HSPD1: variants seen among roughly 807,000 people sequenced by gnomAD.
The protein encoded by HSPD1 is 60 kDa heat shock protein, mitochondrial.
In HSPD1, 3 loss-of-function variants were observed where a neutral mutation model predicts 53.0. That is an observed-to-expected ratio of 0.06 (90% confidence interval 0.03 to 0.15). The LOEUF is 0.15. Among genes scored for constraint, HSPD1 ranks in the 10% least tolerant of loss-of-function variants. The probability of loss-of-function intolerance (pLI) is 1.00; values close to 1 mark genes in which losing one functional copy is unlikely to be tolerated. For synonymous variants in HSPD1, 200 were observed against 228.0 expected (o/e 0.88, Z 1.10); for missense variants, 431 against 694.1 (o/e 0.62, Z 4.26).
chr2:197,497,001 T>A, intron 3 of HSPD1, 139 bp downstream of exon 3: 4 of 863,676 alleles, frequency 4.6e-6, no homozygotes, highest in Non-Finnish European at 7.6e-6. Flanking sequence ...GAAAACCCAG[T>A]TTAAGATTTC....
At chr2:197,500,159 C>T (rs2086229253), upstream of HSPD1, 3 of 546,630 alleles carry the variant, frequency 5.5e-6, no homozygotes, top group Non-Finnish European at 9.9e-6. Context: ...AGTTCTTTCA[C>T]CTCGGCTGGG....
At position 197,491,793 on chromosome 2, in the gene HSPD1, G is replaced by A. The variant is rs180759791; in HGVS notation, c.870-1497C>T. Among the ~76,000 whole-genome samples the A allele has an allele frequency of 3.3e-5, 5 of 152,244 alleles. No homozygotes were observed. The East Asian group carries it at 9.6e-4, about 29-fold the overall frequency. On this transcript the variant is annotated intron_variant, in intron 7 of 11. Transcript: ENST00000388968. Reference sequence around the variant, plus strand: ...TAGACCTCACCTTATTTTAGATTGGGTGCTATTTTCTCTACTTCAGACTAT... The same window carrying A: ...TAGACCTCACCTTATTTTAGATTGGATGCTATTTTCTCTACTTCAGACTAT...
Position 197,488,524 on chromosome 2 carries a change from C to T in HSPD1, c.1216-33G>A, listed in dbSNP as rs1414076992. On this transcript the variant is annotated intron_variant, in intron 9 of 11. Transcript: ENST00000388968. The stretch of plus-strand genomic sequence containing the variant: ...CGAAAAGAATTCCAGTTAGTATGGC[C>T]TCTTCATTCAAGATGCTAATTGCCA... The T allele has an allele frequency of 2.5e-6, 4 of 1,584,390 alleles. No homozygotes were observed. In the African/African-American group the frequency reaches 5.4e-5, roughly 21 times the overall value.
At chr2:197,488,920 G>C in intron 9 of HSPD1, 82 bp downstream of exon 9, 1 of 1,347,476 alleles carries the variant, frequency 7.4e-7, no homozygotes, top group East Asian at 2.3e-5. Context: ...TTAGTTCTAT[G>C]GTACTACTGG....
In HSPD1 at chr2:197,487,862, G is replaced by C. The variant is rs199668367; in HGVS notation, c.1565C>G (p.Thr522Arg). Residue 522 changes from threonine to arginine, a missense_variant, in exon 11 of 12, where the codon ACA becomes AGA. By Grantham distance (71) the Thr-to-Arg change is moderately conservative. Coordinates refer to ENST00000388968, the MANE Select transcript of HSPD1 (RefSeq NM_002156.5). ...NMVEKGIIDP[T>R]KVVRTALLDA... The stretch of plus-strand genomic sequence containing the variant: ...AGAAAGTGTTCAACCATTTACCTTT[G>C]TTGGGTCAATGATTCCTTTTTCCAC... 6 of 1,611,760 alleles carry C rather than the reference G, an allele frequency of 3.7e-6. No individual in the cohort carries two copies. In the South Asian group the frequency reaches 6.6e-5, roughly 18 times the overall value.
At chr2:197,500,266 C>T, upstream of HSPD1, 1 of 827,226 alleles carries the variant, frequency 1.2e-6, no homozygotes, top group Non-Finnish European at 1.9e-6. Flanking sequence ...TCGCGGTGCG[C>T]GTCGGGGCGA....
chr2:197,498,555 T>C (rs2086190488), intron 2 of HSPD1, 120 bp downstream of exon 2: 4 of 919,788 alleles, frequency 4.3e-6, no homozygotes, highest in South Asian at 1.4e-5. Flanking sequence ...AATTCTTACA[T>C]GTAAACTGAG....
chr2:197,498,209 T>C (rs921528729), intron 2 of HSPD1, among the ~76,000 whole-genome samples: 1 of 152,174 alleles, frequency 6.6e-6, no homozygotes, highest in African/African-American at 2.4e-5. Context: ...ATAAATGTAA[T>C]TGATGTCCCC....
intron 7 of HSPD1, among the ~76,000 whole-genome samples, chr2:197,492,117 G>A (rs1188735737): frequency 2.6e-5 from 4 of 152,294 alleles, no homozygotes; most frequent in Admixed American, 2.6e-4. Context: ...TGATCGTGCC[G>A]CCGCAGGCCA....
At chr2:197,496,721 A>G (rs2086162215) in intron 3 of HSPD1, among the ~76,000 whole-genome samples, 1 of 152,186 alleles carries the variant, frequency 6.6e-6, no homozygotes, top group Non-Finnish European at 1.5e-5. Context: ...GGAAAACATT[A>G]CTTTCTGACA....
Position 197,488,341 on chromosome 2 carries a change from G to T in HSPD1, c.1366C>A (p.Pro456Thr), listed in dbSNP as rs1392112294. The change falls in exon 10 of 12, where the codon CCA (proline) becomes ACA (threonine). Residue 456 changes from proline (P) to threonine (T), a missense_variant. Transcript: ENST00000388968. Reference sequence around the variant, plus strand: ...CCAATTTTTTGATCTTCATTAGCTGGAGTCAATGAGTCCAAGGCTGGAATG... The same window carrying T: ...CCAATTTTTTGATCTTCATTAGCTGTAGTCAATGAGTCCAAGGCTGGAATG... ...RCIPALDSLTPANEDQKIGIE... is the reference protein window; with the variant it reads ...RCIPALDSLTTANEDQKIGIE... The T allele has an allele frequency of 6.2e-7, 1 of 1,613,866 alleles. No individual in the cohort carries two copies. The highest frequency in any genetic ancestry group is 8.5e-7 in the Non-Finnish European group (1 of 1,179,832).
chr2:197,488,172 A>C (rs557336433), intron 10 of HSPD1, 136 bp from the exon 11 acceptor site: 1 of 990,190 alleles, frequency 1.0e-6, no homozygotes, highest in African/African-American at 1.6e-5. Flanking sequence ...AAAAGATGTG[A>C]TGCATGTTTA....
At position 197,498,725 on chromosome 2, in the gene HSPD1, G is replaced by T. The variant is rs2086194049; in HGVS notation, c.124C>A (p.Gln42Lys). 1.9e-6 allele frequency: 3 copies of T among 1,614,176 alleles called. No homozygotes were observed. Among genetic ancestry groups the T allele is most frequent in the Non-Finnish European group, 1.7e-6 (2 of 1,180,034 alleles). ...FGADARALMLQGVDLLADAVA... is the reference protein window; with the variant it reads ...FGADARALMLKGVDLLADAVA... Reference sequence around the variant, plus strand: ...GCATCGGCTAAAAGGTCTACACCTTGAAGCATTAAGGCTCGGGCATCTGCA... The same window carrying T: ...GCATCGGCTAAAAGGTCTACACCTTTAAGCATTAAGGCTCGGGCATCTGCA... The change falls in exon 2 of 12, where the codon CAA becomes AAA. Residue 42 changes from glutamine to lysine, a missense_variant. This residue lies in a region of HSPD1 where 386 missense variants were observed against 657.6 expected (regional missense o/e 0.59). Coordinates refer to ENST00000388968, the MANE Select transcript of HSPD1 (RefSeq NM_002156.5).
At chr2:197,493,850 C>T (rs984021512) in intron 6 of HSPD1, among the ~76,000 whole-genome samples, 55 of 152,176 alleles carry the variant, frequency 3.6e-4, no homozygotes, top group African/African-American at 1.3e-3. Context: ...CCTATAATCC[C>T]AGCACTTTGG....
chr2:197,497,400 A>G lies in HSPD1; in HGVS notation c.175-8T>C, dbSNP rs772029212. ...AATAATCACTGTTCTTCCCTAGAAG[A>G]AAAAAATGTAACAGGATCAGACATA... On this transcript the variant is annotated splice_polypyrimidine_tract_variant and splice_region_variant and intron_variant, in intron 2 of 11. Coordinates refer to ENST00000388968, the MANE Select transcript of HSPD1 (RefSeq NM_002156.5). The G allele has an allele frequency of 5.1e-5, 82 of 1,612,088 alleles. No homozygotes were observed. Among genetic ancestry groups the G allele is most frequent in the Non-Finnish European group, 6.4e-5 (76 of 1,178,330 alleles).
intron 1 of HSPD1, 200 bp from the exon 2 acceptor site, chr2:197,499,050 C>CGGCGCCTGACCTAT (rs2086200839): frequency 1.6e-6 from 1 of 634,244 alleles, no homozygotes; most frequent in African/African-American, 1.8e-5. Context: ...CCGCCCCGGC[C>CGGCGCCTGACCTAT]GGCGCCTGAC....
intron 1 of HSPD1, among the ~76,000 whole-genome samples, 177 bp downstream of exon 1, chr2:197,499,605 C>T (rs759529845): frequency 6.6e-6 from 1 of 152,174 alleles, no homozygotes; most frequent in Non-Finnish European, 1.5e-5. Flanking sequence ...CCGCGTCGCA[C>T]GTGATGGAAC....
In HSPD1 at chr2:197,490,180, A is replaced by T. The variant is rs1473159644; in HGVS notation, c.969+17T>A. On this transcript the variant is annotated intron_variant, in intron 8 of 11. Coordinates refer to ENST00000388968, the MANE Select transcript of HSPD1 (RefSeq NM_002156.5). ...TATAAACATTCAGCAAACCATTATCACATTTATTTTACTTACTGCACCACC... is the reference window on the plus strand; with the variant it reads ...TATAAACATTCAGCAAACCATTATCTCATTTATTTTACTTACTGCACCACC... 6.6e-7 allele frequency: 1 copy of T among 1,509,456 alleles called. No individual in the cohort carries two copies. Among genetic ancestry groups the T allele is most frequent in the Admixed American group, 1.7e-5 (1 of 59,896 alleles). The allele number at this position is 1,509,456 out of a possible 1,614,324, so 93.5% of individuals were successfully genotyped here.
chr2:197,498,955 T>A (rs777433712), intron 1 of HSPD1, 105 bp from the exon 2 acceptor site: 233 of 1,018,598 alleles, frequency 2.3e-4, no homozygotes, highest in Non-Finnish European at 3.3e-4. Context: ...ATGCTGAGCC[T>A]GGCTGACCTC....
Sources: gnomAD v4.1 joint callset for allele counts (sites outside exome capture counted in the v4.1 genomes callset) on GRCh38, gnomAD v4.1.1 for gene constraint, gnomAD v4.1.1 regional missense constraint, MANE v1.5 for transcripts, NCBI Gene and HGNC (gene_info 2026-07-23, HGNC 2026-07-21) for gene names.